The following ACTR10 variants were observed in gnomAD, a reference collection of about 807,000 sequenced individuals.
The protein encoded by ACTR10 is actin related protein 10, also known as actin-related protein 10.
A neutral mutation model predicts 56.2 loss-of-function variants in ACTR10; 43 were observed. The ratio of observed to expected loss-of-function variants is 0.77; its 90% CI spans 0.60 to 0.99. ACTR10 has a LOEUF of 0.99. Among genes scored for constraint, ACTR10 ranks in the 50% least tolerant of loss-of-function variants. The pLI is 0.00. For missense variants in ACTR10, 466 were observed against 507.8 expected, an observed-to-expected ratio of 0.92 and a Z score of 0.79; for synonymous variants, 170 against 176.3, an observed-to-expected ratio of 0.96 and a Z score of 0.28.
At chr14:58,232,414 T>TG in intron 12 of ACTR10, 147 bp downstream of exon 12, 1 of 550,492 alleles carries the variant, frequency 1.8e-6, no homozygotes, top group South Asian at 3.2e-5. Flanking sequence ...CTTTTTTTTT[T>TG]TTTTTTTTTT....
intron 10 of ACTR10, among the ~76,000 whole-genome samples, chr14:58,227,490 A>G (rs953846675): frequency 6.6e-6 from 1 of 152,254 alleles, no homozygotes; most frequent in African/African-American, 2.4e-5. Context: ...AGAAAGAACA[A>G]CTTGTTTTCT....
At chr14:58,226,875 C>T (rs1889417937) in intron 10 of ACTR10, among the ~76,000 whole-genome samples, 1 of 152,278 alleles carries the variant, frequency 6.6e-6, no homozygotes, top group African/African-American at 2.4e-5. Context: ...GCTGGGATTA[C>T]AGGTGTGAGC....
rs1888671105 is a variant in ACTR10 at position 58,200,211 on chromosome 14, T to A, written c.-7T>A. On this transcript the variant is annotated 5_prime_UTR_variant, in exon 1 of 13. Coordinates refer to ENST00000254286, the MANE Select transcript of ACTR10 (RefSeq NM_018477.3). ...GCGACCCTCTTCTCTCAGTCTGCCTTACTACCATGCCGCTCTACGAGGGCC... is the reference window on the plus strand; with the variant it reads ...GCGACCCTCTTCTCTCAGTCTGCCTAACTACCATGCCGCTCTACGAGGGCC... 3 of 1,530,612 alleles carry A rather than the reference T, an allele frequency of 2.0e-6. No homozygotes were observed. The highest frequency in any genetic ancestry group is 2.1e-5 in the Admixed American group (1 of 48,376). 94.8% of individuals were successfully genotyped at this position (1,530,612 alleles called of 1,614,324 possible). A position where few individuals can be genotyped will look rare whatever the true frequency, so the allele number is the denominator to read the frequency against.
At chr14:58,204,838 T>C (rs78044252) in intron 2 of ACTR10, among the ~76,000 whole-genome samples, 106 of 152,348 alleles carry the variant, frequency 7.0e-4, no homozygotes, top group African/African-American at 2.4e-3. Flanking sequence ...ATTATAATTA[T>C]AGCTTGTCTT....
At chr14:58,205,372 T>C (rs1487711289) in intron 2 of ACTR10, among the ~76,000 whole-genome samples, 1 of 147,210 alleles carries the variant, frequency 6.8e-6, no homozygotes, top group Non-Finnish European at 1.5e-5. Flanking sequence ...TGGAGTGCAG[T>C]AGCATGATCT....
chr14:58,212,719 A>G (rs1889033511), intron 5 of ACTR10, among the ~76,000 whole-genome samples: 1 of 152,194 alleles, frequency 6.6e-6, no homozygotes, highest in Admixed American at 6.5e-5. Flanking sequence ...TTTGTTTCCA[A>G]AGCTGATGCT....
rs188153915 is a variant in ACTR10, at chr14:58,231,939, C to T, written c.871-127C>T. On this transcript the variant is annotated intron_variant, in intron 11 of 12. Coordinates refer to ENST00000254286, the MANE Select transcript of ACTR10 (RefSeq NM_018477.3). ...CCCTTTTTGCGATACAAACGATCACCTGTTTAATCTGTAGTATAATAATAA... is the reference window on the plus strand; with the variant it reads ...CCCTTTTTGCGATACAAACGATCACTTGTTTAATCTGTAGTATAATAATAA... 9.0e-4 allele frequency: 425 copies of T among 470,574 alleles called. 3 individuals are homozygous for T. In the East Asian group the frequency reaches 0.017, roughly 19 times the overall value. The allele number at this position is 470,574 out of a possible 1,614,324, so 29.1% of individuals were successfully genotyped here.
At chr14:58,207,518 T>A (rs1226568021) in intron 2 of ACTR10, among the ~76,000 whole-genome samples, 2 of 151,948 alleles carry the variant, frequency 1.3e-5, no homozygotes, top group Non-Finnish European at 2.9e-5. Flanking sequence ...AGAGACAGCG[T>A]TTCACCATGT....
intron 10 of ACTR10, among the ~76,000 whole-genome samples, chr14:58,226,591 T>TTTTTG (rs996817813): frequency 2.6e-5 from 4 of 151,950 alleles, no homozygotes; most frequent in African/African-American, 7.3e-5. Flanking sequence ...TTTTGTGTGT[T>TTTTTG]TTTTGTTTTG....
Position 58,215,238 on chromosome 14 carries a change from T to G in ACTR10, c.552T>G (p.Thr184=), listed in dbSNP as rs200538471. Residue 184 remains threonine, a synonymous_variant, in exon 7 of 13, where the codon ACT becomes ACG. Transcript: ENST00000254286. ...AAACTCAACTATTGGAACAATGTACTGTTGACACAAGTGTTGCTAAAGAAC... is the reference window on the plus strand; with the variant it reads ...AAACTCAACTATTGGAACAATGTACGGTTGACACAAGTGTTGCTAAAGAAC... ...ELETQLLEQC[T]VDTSVAKEQS... is the part of the protein sequence containing the mutation. 6.1e-5 allele frequency: 99 copies of G among 1,610,756 alleles called. No individual in the cohort carries two copies. Among genetic ancestry groups the G allele is most frequent in the Middle Eastern group, 1.7e-4 (1 of 6,042 alleles).
At chr14:58,208,922 T>G in intron 3 of ACTR10, 77 bp from the exon 4 acceptor site, 1 of 896,842 alleles carries the variant, frequency 1.1e-6, no homozygotes, top group South Asian at 1.4e-5. Context: ...TAGTACAGTT[T>G]CACTGTTCTT....
intron 10 of ACTR10, among the ~76,000 whole-genome samples, chr14:58,226,312 C>A (rs962127930): frequency 6.6e-6 from 1 of 151,438 alleles, no homozygotes; most frequent in Non-Finnish European, 1.5e-5. Context: ...TAGAGTCTCA[C>A]TGTGCTGCCC....
chr14:58,209,306 T>C, intron 4 of ACTR10, 199 bp downstream of exon 4: 1 of 306,176 alleles, frequency 3.3e-6, no homozygotes, highest in Non-Finnish European at 6.0e-6. Flanking sequence ...TGACAGAAGA[T>C]TCTTCAAACT....
At chr14:58,227,026 C>T (rs1042455198) in intron 10 of ACTR10, among the ~76,000 whole-genome samples, 8 of 152,152 alleles carry the variant, frequency 5.3e-5, no homozygotes, top group Non-Finnish European at 7.3e-5. Flanking sequence ...TATAAAAAAT[C>T]GTATACTAAA....
chr14:58,211,612 G>T (rs1039686256), intron 5 of ACTR10, among the ~76,000 whole-genome samples: 31 of 152,178 alleles, frequency 2.0e-4, no homozygotes, highest in African/African-American at 3.1e-4. Flanking sequence ...TATACTCCAG[G>T]AGTATACCTC....
chr14:58,213,663 G>C lies in ACTR10; in HGVS notation c.483G>C (p.Trp161Cys), dbSNP rs764077553. Residue 161 changes from tryptophan to cysteine, a missense_variant, in exon 6 of 13, where the codon TGG becomes TGC. Coordinates refer to ENST00000254286, the MANE Select transcript of ACTR10 (RefSeq NM_018477.3). ...IYEGIPVLNCWGALPLGGKAL... is the reference protein window; with the variant it reads ...IYEGIPVLNCCGALPLGGKAL... ...AAGGAATCCCAGTTCTAAATTGTTG[G>C]GGAGCACTACCCCTAGGAGGAAAAG... is the stretch of plus-strand genomic sequence containing the variant. The C allele has an allele frequency of 1.2e-6, 2 of 1,612,294 alleles. No individual in the cohort carries two copies. Among genetic ancestry groups the C allele is most frequent in the Non-Finnish European group, 1.7e-6 (2 of 1,178,910 alleles).
At chr14:58,217,265 C>G (rs1345141310) in intron 7 of ACTR10, among the ~76,000 whole-genome samples, 2 of 152,130 alleles carry the variant, frequency 1.3e-5, no homozygotes, top group Non-Finnish European at 2.9e-5. Flanking sequence ...TGATTCTAAC[C>G]TTTCCTTTTA....
chr14:58,210,691 T>TC (rs1310451033), intron 4 of ACTR10, among the ~76,000 whole-genome samples: 1 of 151,638 alleles, frequency 6.6e-6, no homozygotes, highest in East Asian at 1.9e-4. Flanking sequence ...TTTTTTTTTT[T>TC]TGAGACAGAG....
chr14:58,203,010 C>A, intron 2 of ACTR10, 83 bp downstream of exon 2: 1 of 1,033,982 alleles, frequency 9.7e-7, no homozygotes, highest in Non-Finnish European at 1.4e-6. Context: ...TTGATTAAAA[C>A]AGTACTAAAG....
Sources: allele counts gnomAD v4.1 joint callset (sites outside exome capture counted in the v4.1 genomes callset), GRCh38; gene constraint gnomAD v4.1.1; transcripts MANE v1.5; gene names NCBI Gene and HGNC (gene_info 2026-07-23, HGNC 2026-07-21).